The following TENM3 variants were observed in gnomAD, a reference collection of about 807,000 sequenced individuals.
TENM3 encodes teneurin-3.
In TENM3, 63 loss-of-function variants were observed where a neutral mutation model predicts 255.1. That is an observed-to-expected ratio of 0.25 (90% CI 0.20 to 0.30). TENM3 has a LOEUF of 0.30. Among genes scored for constraint, TENM3 ranks in the 10% least tolerant of loss-of-function variants. TENM3 has a pLI of 1.00. For synonymous variants in TENM3, 1,306 were observed against 1,322.3 expected (o/e 0.99, Z 0.27); for missense variants, 2,929 against 3,461.1 (o/e 0.85, Z 3.86).
At chr4:181,789,683 T>A in the TENM3 span, among the ~76,000 whole-genome samples, 1 of 152,102 alleles carries the variant, frequency 6.6e-6, no homozygotes, top group Non-Finnish European at 1.5e-5. Context: ...CAGCCCCGCC[T>A]ACCAACCTCC....
the TENM3 span, among the ~76,000 whole-genome samples, chr4:181,742,765 C>T: frequency 3.4e-4 from 51 of 151,826 alleles, no homozygotes; most frequent in Admixed American, 1.8e-3. Context: ...CATGCTGATG[C>T]GCTGCACCCA....
chr4:181,975,142 T>TG, the TENM3 span: 2 of 149,586 alleles, frequency 1.3e-5, no homozygotes, highest in African/African-American at 5.1e-5. Context: ...GCTCTTTTTT[T>TG]TTTTTTTTTT....
chr4:182,235,101 C>T lies in TENM3; in HGVS notation c.-75-88845C>T, dbSNP rs866150000. On this transcript the variant is annotated intron_variant, in intron 1 of 2. Coordinates refer to the TENM3 transcript ENST00000512480. ...ACTCCTCAGTATTCCCCCACTCTGC[C>T]CCGCCATCTTTGGACCTCACTGGAA... 5.3e-5 allele frequency among the ~76,000 whole-genome samples: 8 copies of T among 152,246 alleles called. No homozygotes were observed. The Middle Eastern group carries it at 0.01, about 194-fold the overall frequency.
At chr4:182,057,414 T>C in the TENM3 span, among the ~76,000 whole-genome samples, 2 of 150,464 alleles carry the variant, frequency 1.3e-5, no homozygotes, top group African/African-American at 4.9e-5. Context: ...TTTTCTTTTT[T>C]TTTTTTTTTT....
chr4:182,613,142 A>T (rs1749166680), intron 4 of TENM3, among the ~76,000 whole-genome samples: 1 of 152,206 alleles, frequency 6.6e-6, no homozygotes, highest in Non-Finnish European at 1.5e-5. Context: ...TAAATAGATG[A>T]AGTCTTGTCC....
chr4:181,455,357 G>A, the TENM3 span, among the ~76,000 whole-genome samples: 1 of 151,970 alleles, frequency 6.6e-6, no homozygotes, highest in African/African-American at 2.4e-5. Context: ...ATATTTCTAG[G>A]TTCTAACATC....
intron 1 of TENM3, among the ~76,000 whole-genome samples, chr4:182,213,781 G>A (rs1328850709): frequency 6.6e-6 from 1 of 152,118 alleles, no homozygotes; most frequent in African/African-American, 2.4e-5. Flanking sequence ...AGAGATAAGA[G>A]ATGCAGCTTT....
chr4:182,629,228 G>A (rs1396730864), intron 5 of TENM3, among the ~76,000 whole-genome samples: 1 of 152,078 alleles, frequency 6.6e-6, no homozygotes, highest in African/African-American at 2.4e-5. Flanking sequence ...ACCCTGTGCA[G>A]GATTTCCTTC....
intron 3 of TENM3, among the ~76,000 whole-genome samples, chr4:182,533,115 T>TG (rs1442984986): frequency 6.6e-6 from 1 of 152,242 alleles, no homozygotes; most frequent in African/African-American, 2.4e-5. Flanking sequence ...AACTTTCATG[T>TG]GGGCAGGAAT....
chr4:181,559,736 T>C, the TENM3 span, among the ~76,000 whole-genome samples: 2 of 152,230 alleles, frequency 1.3e-5, no homozygotes, highest in South Asian at 2.1e-4. Flanking sequence ...CTCCATGCCC[T>C]GTGCCTTTGC....
At chr4:182,094,789 G>A in the TENM3 span, among the ~76,000 whole-genome samples, 5 of 152,076 alleles carry the variant, frequency 3.3e-5, no homozygotes, top group Non-Finnish European at 7.4e-5. Context: ...AGAGCAACAT[G>A]AATCAGAAAT....
At chr4:181,931,745 C>T in the TENM3 span, among the ~76,000 whole-genome samples, 2 of 152,188 alleles carry the variant, frequency 1.3e-5, no homozygotes, top group African/African-American at 4.8e-5. Context: ...CTGGAGGCAT[C>T]ATGCTACCTG....
At chr4:182,321,644 A>C (rs1763060164) in intron 1 of TENM3, among the ~76,000 whole-genome samples, 1 of 146,858 alleles carries the variant, frequency 6.8e-6, no homozygotes, top group Non-Finnish European at 1.5e-5. Flanking sequence ...AATAATAATA[A>C]TAATAAAATA....
the TENM3 span, among the ~76,000 whole-genome samples, chr4:181,866,926 A>C: frequency 9.2e-5 from 14 of 151,980 alleles, no homozygotes; most frequent in Non-Finnish European, 1.8e-4. Context: ...ATCTCATCTA[A>C]CCTCATTGCC....
At chr4:181,979,575 A>T in the TENM3 span, among the ~76,000 whole-genome samples, 1 of 152,178 alleles carries the variant, frequency 6.6e-6, no homozygotes, top group Admixed American at 6.5e-5. Context: ...GTGCTCTGCC[A>T]CAGGGAGAAC....
At chr4:182,127,508 C>A in the TENM3 span, among the ~76,000 whole-genome samples, 1 of 152,182 alleles carries the variant, frequency 6.6e-6, no homozygotes, top group Non-Finnish European at 1.5e-5. Flanking sequence ...GGGAACTGAA[C>A]TGATGCATGT....
At chr4:182,745,086 A>T (rs1228807728) in intron 19 of TENM3, among the ~76,000 whole-genome samples, 1 of 152,176 alleles carries the variant, frequency 6.6e-6, no homozygotes, top group Non-Finnish European at 1.5e-5. Flanking sequence ...ATTTTATGTG[A>T]GGTCTTTTAG....
the TENM3 span, among the ~76,000 whole-genome samples, chr4:181,924,518 G>T: frequency 6.6e-6 from 1 of 152,140 alleles, no homozygotes; most frequent in Non-Finnish European, 1.5e-5. Context: ...TCAAAATACT[G>T]TATTTGGAAT....
At chr4:182,640,140 C>A (rs1752175457) in intron 5 of TENM3, among the ~76,000 whole-genome samples, 1 of 152,138 alleles carries the variant, frequency 6.6e-6, no homozygotes, top group Non-Finnish European at 1.5e-5. Flanking sequence ...TATCAAGATA[C>A]ACTGATTTTT....
Sources: gnomAD v4.1 joint callset for allele counts (sites outside exome capture counted in the v4.1 genomes callset) on GRCh38, gnomAD v4.1.1 for gene constraint, MANE v1.5 for transcripts, NCBI Gene and HGNC (gene_info 2026-07-23, HGNC 2026-07-21) for gene names.